The following VASN variants were observed in gnomAD, a reference collection of about 807,000 sequenced individuals.
VASN encodes vasorin.
Under a neutral mutation model 4.8 loss-of-function variants are expected in VASN, and 5 were observed. That is an observed-to-expected ratio of 1.03 (90% CI 0.54 to 2.17). The LOEUF is 2.17. Among genes scored for constraint, VASN ranks in the 30% most tolerant of loss-of-function variants. VASN has a pLI of 0.01. For missense variants in VASN, 927 were observed against 948.8 expected (o/e 0.98, Z 0.30); for synonymous variants, 499 against 460.8 (o/e 1.08, Z -1.06).
At position 4,381,883 on chromosome 16, in the gene VASN, G is replaced by T; in HGVS notation, c.1006G>T (p.Gly336Cys). The T allele has an allele frequency of 6.2e-7, 1 of 1,604,984 alleles. No homozygotes were observed. Among genetic ancestry groups the T allele is most frequent in the Non-Finnish European group, 8.5e-7 (1 of 1,179,572 alleles). The change falls in exon 2 of 2, where the codon GGC becomes TGC. Residue 336 changes from glycine (G) to cysteine (C), a missense_variant. By Grantham distance (159) the Gly-to-Cys change is radical (BLOSUM62 -3). Coordinates refer to ENST00000304735, the MANE Select transcript of VASN (RefSeq NM_138440.3). ...TRCHFPPKNA[G>C]RLLLELDYAD... Reference sequence around the variant, plus strand: ...CTGCCACTTCCCGCCCAAGAACGCTGGCCGGCTGCTCCTGGAGCTTGACTA... The same window carrying T: ...CTGCCACTTCCCGCCCAAGAACGCTTGCCGGCTGCTCCTGGAGCTTGACTA...
Position 4,383,129 on chromosome 16 carries a change from G to A in VASN, c.*230G>A, listed in dbSNP as rs1000293207. On this transcript the variant is annotated 3_prime_UTR_variant, in exon 2 of 2. Transcript: ENST00000304735. ...GTCCCCAGAACCGAGTGCCTATGAG[G>A]ACAGTGTCCGCCCTGCCCTCCGCAA... is the stretch of plus-strand genomic sequence containing the variant. The A allele has an allele frequency of 2.2e-5, 12 of 534,836 alleles. No homozygotes were observed. 33.1% of individuals were successfully genotyped at this position (534,836 alleles called of 1,614,324 possible).
intron 1 of VASN, among the ~76,000 whole-genome samples, chr16:4,379,343 G>T (rs928296099): frequency 6.6e-6 from 1 of 152,052 alleles, no homozygotes; most frequent in Admixed American, 6.5e-5. Flanking sequence ...TCCTGGGGAC[G>T]GCCCCAGCGG....
At chr16:4,380,556 G>A (rs968413039) in intron 1 of VASN, among the ~76,000 whole-genome samples, 9 of 152,334 alleles carry the variant, frequency 5.9e-5, no homozygotes, top group African/African-American at 1.4e-4. Flanking sequence ...CTCTGAGGCA[G>A]GGGATGGGGG....
chr16:4,378,463 C>A (rs956194195), intron 1 of VASN, among the ~76,000 whole-genome samples: 1 of 152,102 alleles, frequency 6.6e-6, no homozygotes, highest in Admixed American at 6.5e-5. Context: ...GGCCTCACCC[C>A]CCATATGGAC....
intron 1 of VASN, among the ~76,000 whole-genome samples, chr16:4,372,336 A>G (rs1418085379): frequency 6.6e-6 from 1 of 152,164 alleles, no homozygotes; most frequent in African/African-American, 2.4e-5. Flanking sequence ...AACCCCTTTG[A>G]GGGGGATAGC....
Position 4,381,607 on chromosome 16 carries a change from C to G in VASN, c.730C>G (p.Leu244Val). The G allele has an allele frequency of 6.3e-7, 1 of 1,598,904 alleles. No individual in the cohort carries two copies. Among genetic ancestry groups the G allele is most frequent in the Non-Finnish European group, 8.5e-7 (1 of 1,173,462 alleles). Residue 244 changes from leucine to valine, a missense_variant, in exon 2 of 2, where the codon CTG becomes GTG. Physicochemically the swap from Leu to Val is conservative, Grantham distance 32. Coordinates refer to ENST00000304735, the MANE Select transcript of VASN (RefSeq NM_138440.3). ...CCGAGGCCTCCGGGGCCTGACGCGC[C>G]TGCGGCTGGCCGGCAACACCCGCAT... is the stretch of plus-strand genomic sequence containing the variant. Reference protein sequence around the residue: ...VIRGLRGLTRLRLAGNTRIAQ... With the variant: ...VIRGLRGLTRVRLAGNTRIAQ...
rs1169532417 is a variant in VASN at position 4,381,095 on chromosome 16, C to T, written c.218C>T (p.Ala73Val). ...GITMLDAGSF[A>V]GLPGLQLLDL... is the part of the protein sequence containing the mutation. ...ACCATGCTCGACGCAGGCAGCTTTG[C>T]CGGCCTGCCGGGCCTGCAGCTCCTG... The change falls in exon 2 of 2, where the codon GCC becomes GTC. Residue 73 changes from alanine (A) to valine (V), a missense_variant. Physicochemically the swap from Ala to Val is moderately conservative, Grantham distance 64. Coordinates refer to ENST00000304735, the MANE Select transcript of VASN (RefSeq NM_138440.3). 1 of 1,607,840 alleles carries T rather than the reference C, an allele frequency of 6.2e-7. No individual in the cohort carries two copies. The highest frequency in any genetic ancestry group is 1.7e-5 in the Admixed American group (1 of 59,346).
chr16:4,381,607 C>T lies in VASN; in HGVS notation c.730C>T (p.Leu244=), dbSNP rs1487067987. 6.3e-7 allele frequency: 1 copy of T among 1,598,904 alleles called. No homozygotes were observed. The highest frequency in any genetic ancestry group is 8.5e-7 in the Non-Finnish European group (1 of 1,173,462). ...VIRGLRGLTR[L]RLAGNTRIAQ... is the part of the protein sequence containing the mutation. ...CCGAGGCCTCCGGGGCCTGACGCGC[C>T]TGCGGCTGGCCGGCAACACCCGCAT... The change falls in exon 2 of 2, where the codon CTG becomes TTG. Residue 244 remains leucine, a synonymous_variant. Coordinates refer to ENST00000304735, the MANE Select transcript of VASN (RefSeq NM_138440.3).
chr16:4,381,757 G>T lies in VASN; in HGVS notation c.880G>T (p.Ala294Ser), dbSNP rs1320301787. 1.9e-6 allele frequency: 3 copies of T among 1,602,416 alleles called. No homozygotes were observed. Among genetic ancestry groups the T allele is most frequent in the Non-Finnish European group, 2.5e-6 (3 of 1,179,364 alleles). ...SGLFPRLRLL[A>S]AARNPFNCVC... ...CCTCTTCCCCCGCCTGCGGCTGCTG[G>T]CAGCTGCCCGCAACCCCTTCAACTG... The change falls in exon 2 of 2, where the codon GCA becomes TCA. Residue 294 changes from alanine (A) to serine (S), a missense_variant. Transcript: ENST00000304735.
intron 1 of VASN, among the ~76,000 whole-genome samples, chr16:4,376,761 C>T (rs561867502): frequency 7.2e-5 from 11 of 152,246 alleles, no homozygotes; most frequent in East Asian, 5.8e-4. Context: ...CTGAAGGGGC[C>T]GCCAAGGGAC....
rs1012124108 is a variant in VASN, at chr16:4,382,575, C to T, written c.1698C>T (p.Val566=). The change falls in exon 2 of 2, where the codon GTC becomes GTT. Residue 566 remains valine, a synonymous_variant. Transcript: ENST00000304735. ...CCGTCCACTCCAACCACGCCCCAGTCACCCAGGCCCGCGAGGGCAACCTGC... is the reference window on the plus strand; with the variant it reads ...CCGTCCACTCCAACCACGCCCCAGTTACCCAGGCCCGCGAGGGCAACCTGC... The part of the protein sequence containing the change: ...PPAVHSNHAP[V]TQAREGNLPL... 6.3e-7 allele frequency: 1 copy of T among 1,592,022 alleles called. No homozygotes were observed. The highest frequency in any genetic ancestry group is 1.3e-5 in the African/African-American group (1 of 74,336).
At position 4,381,040 on chromosome 16, in the gene VASN, G is replaced by A. The variant is rs769541560; in HGVS notation, c.163G>A (p.Val55Met). The A allele has an allele frequency of 1.4e-5, 23 of 1,610,570 alleles. No homozygotes were observed. The highest frequency in any genetic ancestry group is 1.7e-5 in the Admixed American group (1 of 59,766). The change falls in exon 2 of 2, where the codon GTG becomes ATG. Residue 55 changes from valine to methionine, a missense_variant. Physicochemically the swap from Val to Met is conservative, Grantham distance 21. Transcript: ENST00000304735. ...TVPRDVPPDT[V>M]GLYVFENGIT... is the part of the protein sequence containing the mutation. ...GCCCCGAGACGTGCCACCCGACACG[G>A]TGGGGCTGTACGTCTTTGAGAACGG...
rs183726419 is a variant in VASN, at chr16:4,383,138, C to T, written c.*239C>T. The T allele has an allele frequency of 9.5e-5, 48 of 502,634 alleles. No homozygotes were observed. Among genetic ancestry groups the T allele is most frequent in the Middle Eastern group, 1.1e-3 (2 of 1,892 alleles). The allele number at this position is 502,634 out of a possible 1,614,324, so 31.1% of individuals were successfully genotyped here. The stretch of plus-strand genomic sequence containing the variant: ...ACCGAGTGCCTATGAGGACAGTGTC[C>T]GCCCTGCCCTCCGCAACGTGCAGTC... On this transcript the variant is annotated 3_prime_UTR_variant, in exon 2 of 2. Coordinates refer to ENST00000304735, the MANE Select transcript of VASN (RefSeq NM_138440.3).
At position 4,381,286 on chromosome 16, in the gene VASN, C is replaced by T. The variant is rs199795973; in HGVS notation, c.409C>T (p.Arg137Cys). Reference protein sequence around the residue: ...ERLYLGKNRIRHIQPGAFDTL... With the variant: ...ERLYLGKNRICHIQPGAFDTL... ...CCTCTACCTGGGCAAGAACCGCATC[C>T]GCCACATCCAGCCTGGTGCCTTCGA... Residue 137 changes from arginine to cysteine, a missense_variant, in exon 2 of 2, where the codon CGC (arginine) becomes TGC (cysteine). By Grantham distance (180) the Arg-to-Cys change is radical. Coordinates refer to ENST00000304735, the MANE Select transcript of VASN (RefSeq NM_138440.3). 4.6e-5 allele frequency: 74 copies of T among 1,612,404 alleles called. No homozygotes were observed. The East Asian group carries it at 6.7e-4, about 15-fold the overall frequency.
chr16:4,380,258 A>G (rs1363177512), intron 1 of VASN, among the ~76,000 whole-genome samples: 2 of 152,116 alleles, frequency 1.3e-5, no homozygotes, highest in African/African-American at 2.4e-5. Flanking sequence ...CCCCTCCTCC[A>G]GGAACCTTCC....
chr16:4,381,237 C>T lies in VASN; in HGVS notation c.360C>T (p.Phe120=). Residue 120 remains phenylalanine (F), a synonymous_variant, in exon 2 of 2, where the codon TTC becomes TTT. Transcript: ENST00000304735. ...NRLHEITNET[F]RGLRRLERLY... is the part of the protein sequence containing the mutation. ...TGCATGAAATCACCAATGAGACCTT[C>T]CGTGGCCTGCGGCGCCTCGAGCGCC... 1 of 1,612,024 alleles carries T rather than the reference C, an allele frequency of 6.2e-7. No homozygotes were observed. Among genetic ancestry groups the T allele is most frequent in the Non-Finnish European group, 8.5e-7 (1 of 1,179,570 alleles).
At chr16:4,377,087 G>A (rs992038255) in intron 1 of VASN, among the ~76,000 whole-genome samples, 16 of 152,166 alleles carry the variant, frequency 1.1e-4, no homozygotes, top group African/African-American at 2.9e-4. Flanking sequence ...GGTCGTGGCC[G>A]GGCTGTGGAC....
chr16:4,374,548 C>T (rs913084250), intron 1 of VASN, among the ~76,000 whole-genome samples: 1 of 152,168 alleles, frequency 6.6e-6, no homozygotes, highest in African/African-American at 2.4e-5. Flanking sequence ...CCGGCCTACA[C>T]CGGGAAGGGG....
intron 1 of VASN, among the ~76,000 whole-genome samples, chr16:4,377,368 G>A (rs1042529087): frequency 4.6e-5 from 7 of 151,992 alleles, no homozygotes; most frequent in Admixed American, 6.6e-5. Flanking sequence ...GTGGGTGGGC[G>A]GCGGCAACCA....
Sources: allele counts gnomAD v4.1 joint callset (sites outside exome capture counted in the v4.1 genomes callset), GRCh38; gene constraint gnomAD v4.1.1; transcripts MANE v1.5; gene names NCBI Gene and HGNC (gene_info 2026-07-23, HGNC 2026-07-21).